The following COBL variants were observed in gnomAD, a reference collection of about 807,000 sequenced individuals.
COBL encodes protein cordon-bleu.
A neutral mutation model predicts 98.8 loss-of-function variants in COBL; 51 were observed. That is an observed-to-expected ratio of 0.52 (90% CI 0.41 to 0.65). COBL has a LOEUF of 0.65. Ranked by LOEUF, COBL falls within the 30% of genes least tolerant of loss-of-function variation. The pLI is 0.00. For missense variants in COBL, 1,617 were observed against 1,617.5 expected (o/e 1.00, Z 0.01); for synonymous variants, 634 against 651.7 (o/e 0.97, Z 0.41).
intron 1 of COBL, among the ~76,000 whole-genome samples, chr7:51,304,727 T>A (rs1254485555): frequency 6.6e-6 from 1 of 151,878 alleles, no homozygotes; most frequent in East Asian, 1.9e-4. Flanking sequence ...TATTTTATAA[T>A]GAAAAATAAT....
In COBL at chr7:51,088,289, AT is replaced by A. The variant is rs1305349459; in HGVS notation, c.958-2986del. ...AATTAATTCAACACTGAGGATTCTA[AT>A]TCAATTGTCTATTTTTTTCTTGAGT... On this transcript the variant is annotated intron_variant, in intron 6 of 12. Transcript: ENST00000265136. Among the ~76,000 whole-genome samples, 5 of 151,846 alleles carry A rather than the reference AT, an allele frequency of 3.3e-5. No homozygotes were observed. The East Asian group carries it at 9.7e-4, about 29-fold the overall frequency.
At chr7:51,151,938 T>A (rs1326122377) in intron 5 of COBL, among the ~76,000 whole-genome samples, 1 of 152,226 alleles carries the variant, frequency 6.6e-6, no homozygotes, top group Non-Finnish European at 1.5e-5. Context: ...TGGCCATTCC[T>A]TAACTCAGTG....
At chr7:51,180,619 T>C (rs753790332) in intron 5 of COBL, among the ~76,000 whole-genome samples, 1 of 152,254 alleles carries the variant, frequency 6.6e-6, no homozygotes, top group Admixed American at 6.5e-5. Context: ...CTGGTTCTAC[T>C]ATGATTTATC....
At chr7:51,273,950 T>C (rs1799036094) in intron 1 of COBL, among the ~76,000 whole-genome samples, 3 of 152,162 alleles carry the variant, frequency 2.0e-5, no homozygotes, top group Admixed American at 6.5e-5. Context: ...CCTGTAGCAG[T>C]TGGGTCCCCC....
chr7:51,184,445 G>A (rs1432407231), intron 4 of COBL, among the ~76,000 whole-genome samples: 2 of 152,174 alleles, frequency 1.3e-5, no homozygotes, highest in Non-Finnish European at 2.9e-5. Flanking sequence ...TCTGGGTGTG[G>A]TTGTGCCCTT....
At chr7:51,272,629 A>T (rs1395292352) in intron 1 of COBL, among the ~76,000 whole-genome samples, 4 of 152,194 alleles carry the variant, frequency 2.6e-5, no homozygotes, top group African/African-American at 9.7e-5. Context: ...TCCAATCTAG[A>T]TCTGAAAATA....
intron 1 of COBL, among the ~76,000 whole-genome samples, chr7:51,230,292 G>A (rs1443490619): frequency 6.6e-6 from 1 of 152,112 alleles, no homozygotes; most frequent in Non-Finnish European, 1.5e-5. Context: ...GCTCTCCGGG[G>A]CACCACTGCC....
chr7:51,112,333 G>A (rs1796908124), intron 6 of COBL, among the ~76,000 whole-genome samples: 1 of 152,040 alleles, frequency 6.6e-6, no homozygotes, highest in Non-Finnish European at 1.5e-5. Flanking sequence ...AGAAACATTG[G>A]AAGCAAAGGA....
At chr7:51,257,312 G>GACT (rs1472135610) in intron 1 of COBL, among the ~76,000 whole-genome samples, 1 of 152,122 alleles carries the variant, frequency 6.6e-6, no homozygotes, top group Non-Finnish European at 1.5e-5. Flanking sequence ...ATCACACCAA[G>GACT]ACTCCACTCA....
intron 1 of COBL, among the ~76,000 whole-genome samples, chr7:51,235,817 T>C (rs922434452): frequency 1.6e-4 from 24 of 152,088 alleles, no homozygotes; most frequent in Non-Finnish European, 8.8e-5. Flanking sequence ...CCTGACTCTC[T>C]AGCCTCAGCA....
chr7:51,247,751 C>T (rs1430665214), intron 1 of COBL, among the ~76,000 whole-genome samples: 2 of 152,164 alleles, frequency 1.3e-5, no homozygotes, highest in East Asian at 1.9e-4. Flanking sequence ...TTGAAATTAT[C>T]CTAAGGCAGA....
At chr7:51,307,325 G>T (rs1490607531) in intron 1 of COBL, among the ~76,000 whole-genome samples, 1 of 149,864 alleles carries the variant, frequency 6.7e-6, no homozygotes, top group African/African-American at 2.4e-5. Context: ...CTCCAGCCTG[G>T]GTGCCAGAGC....
At chr7:51,314,851 A>T (rs1230931037) in intron 1 of COBL, among the ~76,000 whole-genome samples, 1 of 152,212 alleles carries the variant, frequency 6.6e-6, no homozygotes, top group Non-Finnish European at 1.5e-5. Context: ...TATGAAAGCC[A>T]ATCAGAGCTC....
At position 51,053,233 on chromosome 7, in the gene COBL, A is replaced by C. The variant is rs181412825; in HGVS notation, c.1097-9541T>G. 3.3e-3 allele frequency among the ~76,000 whole-genome samples: 500 copies of C among 152,348 alleles called. 13 individuals carry two copies. In the South Asian group the frequency reaches 0.044, roughly 13 times the overall value. On this transcript the variant is annotated intron_variant, in intron 7 of 12. Transcript: ENST00000265136. ...ATAATACTGACACAAAAAGCTGCCT[A>C]CAATCCCCTTTGAAATTCACTGTGA...
intron 2 of COBL, among the ~76,000 whole-genome samples, chr7:51,198,614 G>C (rs1016755789): frequency 6.6e-6 from 1 of 152,076 alleles, no homozygotes; most frequent in African/African-American, 2.4e-5. Flanking sequence ...CAAGAAGTTG[G>C]GCACAGGTTT....
chr7:51,297,292 T>C (rs1013025691), intron 1 of COBL, among the ~76,000 whole-genome samples: 3 of 152,138 alleles, frequency 2.0e-5, no homozygotes, highest in African/African-American at 7.2e-5. Flanking sequence ...AGGTGTTAAC[T>C]GGGACTGTCC....
chr7:51,147,043 T>A (rs756152120), intron 5 of COBL, among the ~76,000 whole-genome samples: 1 of 152,038 alleles, frequency 6.6e-6, no homozygotes, highest in Non-Finnish European at 1.5e-5. Context: ...GGTCCCTGCA[T>A]AGGGACAGCA....
chr7:51,067,518 ACATG>A (rs1392576299), intron 7 of COBL, among the ~76,000 whole-genome samples: 1 of 152,236 alleles, frequency 6.6e-6, no homozygotes, highest in East Asian at 1.9e-4. Context: ...CCATGGGTGC[ACATG>A]CATGTATGCA....
chr7:51,063,911 T>A (rs1321696140), intron 7 of COBL, among the ~76,000 whole-genome samples: 1 of 152,194 alleles, frequency 6.6e-6, no homozygotes, highest in African/African-American at 2.4e-5. Flanking sequence ...ATGAAGAAAC[T>A]CAGGCACAGA....
Sources: gnomAD v4.1 joint callset for allele counts (sites outside exome capture counted in the v4.1 genomes callset) on GRCh38, gnomAD v4.1.1 for gene constraint, MANE v1.5 for transcripts, NCBI Gene and HGNC (gene_info 2026-07-23, HGNC 2026-07-21) for gene names.